CCDC73: variants seen among roughly 807,000 people sequenced by gnomAD.
CCDC73 encodes the protein coiled-coil domain-containing protein 73.
In CCDC73, 95 loss-of-function variants were observed where a neutral mutation model predicts 116.5. That is an observed-to-expected ratio of 0.82 (90% CI 0.69 to 0.97). CCDC73 has a LOEUF of 0.97. Among genes scored for constraint, CCDC73 ranks in the 50% least tolerant of loss-of-function variants. The pLI, the probability that CCDC73 is intolerant of heterozygous loss-of-function variation, is 0.00. For missense variants in CCDC73, 1,066 were observed against 1,206.8 expected (o/e 0.88, Z 1.73); for synonymous variants, 398 against 401.3 (o/e 0.99, Z 0.10).
intron 6 of CCDC73, among the ~76,000 whole-genome samples, chr11:32,698,035 T>C (rs1849772523): frequency 9.0e-6 from 1 of 111,416 alleles, no homozygotes; most frequent in African/African-American, 3.5e-5. Flanking sequence ...TTTTTTTTTT[T>C]TTTTTTTGAG....
Position 32,776,936 on chromosome 11 carries a change from A to ATATATATATATATAT in CCDC73, c.-15-16679_-15-16678insATATATATATATATA, listed in dbSNP as rs1554970184. Among the ~76,000 whole-genome samples, 5 of 36,468 alleles carry ATATATATATATATAT rather than the reference A, an allele frequency of 1.4e-4. No homozygotes were observed. The South Asian group carries it at 3.6e-3, about 26-fold the overall frequency. 23.9% of individuals were successfully genotyped at this position (36,468 alleles called of 152,430 possible). ...CTACAGAGTATGGTTAAAAAAAAAAAATATATATATATATATATATATATA... is the reference window on the plus strand; with the variant it reads ...CTACAGAGTATGGTTAAAAAAAAAAATATATATATATATATATATATATATATATATATATATATA... On this transcript the variant is annotated intron_variant, in intron 1 of 17. Coordinates refer to ENST00000335185, the MANE Select transcript of CCDC73 (RefSeq NM_001008391.4).
At chr11:32,804,793 C>T in the CCDC73 span, among the ~76,000 whole-genome samples, 1 of 151,972 alleles carries the variant, frequency 6.6e-6, no homozygotes, top group African/African-American at 2.4e-5. Flanking sequence ...TTACTTAAGC[C>T]CTGTTTGGAT....
intron 1 of CCDC73, among the ~76,000 whole-genome samples, chr11:32,766,105 C>T (rs1167742737): frequency 2.6e-5 from 4 of 152,150 alleles, no homozygotes; most frequent in Non-Finnish European, 5.9e-5. Flanking sequence ...AAAACTTATC[C>T]ACCATGATCA....
chr11:32,638,053 G>T (rs1259862098), intron 13 of CCDC73, among the ~76,000 whole-genome samples: 1 of 152,086 alleles, frequency 6.6e-6, no homozygotes, highest in Non-Finnish European at 1.5e-5. Context: ...GAGACTATTT[G>T]ATGTCTTTTC....
At chr11:32,660,680 C>T (rs1229889517) in intron 9 of CCDC73, among the ~76,000 whole-genome samples, 1 of 151,640 alleles carries the variant, frequency 6.6e-6, no homozygotes, top group Non-Finnish European at 1.5e-5. Flanking sequence ...AAAAATTAGT[C>T]AGGCATAGTG....
chr11:32,703,151 A>G (rs1221360041), intron 3 of CCDC73, among the ~76,000 whole-genome samples: 2 of 152,154 alleles, frequency 1.3e-5, no homozygotes, highest in African/African-American at 2.4e-5. Flanking sequence ...CAGTGGCACA[A>G]TCACAGCACA....
Position 32,614,831 on chromosome 11 carries a change from ACTT to A in CCDC73, c.1484_1486del (p.Glu495del), listed in dbSNP as rs754429847. ...ATTCGAGGTTTGTCCTTGACTAATT[ACTT>A]CTTTATCTAAGGAGAGGGTTTTGCT... On this transcript the variant is annotated inframe_deletion, in exon 16 of 18. Transcript: ENST00000335185. 63 of 1,613,006 alleles carry A rather than the reference ACTT, an allele frequency of 3.9e-5. No individual in the cohort carries two copies. The highest frequency in any genetic ancestry group is 5.2e-5 in the Non-Finnish European group (61 of 1,179,472).
intron 2 of CCDC73, among the ~76,000 whole-genome samples, chr11:32,736,218 C>T (rs1003803793): frequency 6.6e-6 from 1 of 152,142 alleles, no homozygotes; most frequent in Admixed American, 6.5e-5. Flanking sequence ...TCAGAGTGAA[C>T]AGGCAACCTA....
intron 1 of CCDC73, among the ~76,000 whole-genome samples, chr11:32,763,452 T>G (rs773035270): frequency 7.2e-5 from 11 of 152,258 alleles, no homozygotes; most frequent in South Asian, 2.1e-4. Flanking sequence ...TTCGCTGTTC[T>G]GCAGCCTCCG....
the CCDC73 span, among the ~76,000 whole-genome samples, chr11:32,811,374 CCTAA>C: frequency 2.0e-5 from 3 of 151,950 alleles, no homozygotes; most frequent in Admixed American, 6.6e-5. Context: ...CATACATGTT[CCTAA>C]CTTTCATTTT....
At chr11:32,609,811 GCT>G (rs773138863) in intron 17 of CCDC73, among the ~76,000 whole-genome samples, 13 of 151,984 alleles carry the variant, frequency 8.6e-5, no homozygotes, top group Non-Finnish European at 1.6e-4. Flanking sequence ...ATGGAGTCTC[GCT>G]CTGTCATCCA....
At chr11:32,819,785 C>A in the CCDC73 span, among the ~76,000 whole-genome samples, 3 of 152,052 alleles carry the variant, frequency 2.0e-5, no homozygotes, top group African/African-American at 7.2e-5. Flanking sequence ...AAACCATTTT[C>A]TTAAAATGTT....
chr11:32,673,236 A>G (rs1856055409), intron 9 of CCDC73, among the ~76,000 whole-genome samples: 1 of 152,124 alleles, frequency 6.6e-6, no homozygotes, highest in African/African-American at 2.4e-5. Context: ...ACCAATCAAA[A>G]TGACCAACAT....
chr11:32,705,459 A>T (rs1329323432), intron 3 of CCDC73, among the ~76,000 whole-genome samples: 2 of 152,190 alleles, frequency 1.3e-5, no homozygotes, highest in Non-Finnish European at 2.9e-5. Flanking sequence ...AGCCTCACAC[A>T]GAGCTGGCTG....
At chr11:32,619,933 GA>G (rs1024972742) in intron 14 of CCDC73, among the ~76,000 whole-genome samples, 10 of 152,072 alleles carry the variant, frequency 6.6e-5, no homozygotes, top group African/African-American at 2.4e-4. Context: ...TGCTTACAGA[GA>G]GTGTATTTTG....
At chr11:32,695,994 GT>G (rs1246058362) in intron 6 of CCDC73, among the ~76,000 whole-genome samples, 1 of 151,936 alleles carries the variant, frequency 6.6e-6, no homozygotes, top group Non-Finnish European at 1.5e-5. Flanking sequence ...AAGAAAAAAT[GT>G]TTAGCTACTA....
At chr11:32,721,194 T>C (rs966104005) in intron 2 of CCDC73, among the ~76,000 whole-genome samples, 1 of 152,060 alleles carries the variant, frequency 6.6e-6, no homozygotes, top group Admixed American at 6.5e-5. Flanking sequence ...CCAGCTAATT[T>C]TTATATTTTT....
intron 1 of CCDC73, among the ~76,000 whole-genome samples, chr11:32,786,378 ATAT>A (rs973063259): frequency 1.3e-5 from 1 of 76,764 alleles, no homozygotes; most frequent in African/African-American, 4.0e-5. Context: ...TATAATAAAT[ATAT>A]TATTTATATA....
the CCDC73 span, among the ~76,000 whole-genome samples, chr11:32,812,418 C>T: frequency 6.6e-6 from 1 of 152,160 alleles, no homozygotes; most frequent in Non-Finnish European, 1.5e-5. Flanking sequence ...GTAATCCCAA[C>T]ACTTTGGGAG....
Sources: allele counts gnomAD v4.1 joint callset (sites outside exome capture counted in the v4.1 genomes callset), GRCh38; gene constraint gnomAD v4.1.1; transcripts MANE v1.5; gene names NCBI Gene and HGNC (gene_info 2026-07-23, HGNC 2026-07-21).